The following UQCRC2 variants were observed in gnomAD, a reference collection of about 807,000 sequenced individuals.
UQCRC2 encodes the protein cytochrome b-c1 complex subunit 2, mitochondrial.
A neutral mutation model predicts 55.6 loss-of-function variants in UQCRC2; 49 were observed. That is an observed-to-expected ratio of 0.88 (90% CI 0.70 to 1.12). The LOEUF is 1.12. Ranked by LOEUF, UQCRC2 falls within the 50% of genes most tolerant of loss-of-function variation. The pLI is 0.00. For synonymous variants in UQCRC2, 193 were observed against 192.0 expected, an observed-to-expected ratio of 1.01 and a Z score of -0.04; for missense variants, 506 against 547.8, an observed-to-expected ratio of 0.92 and a Z score of 0.76.
chr16:21,962,693 C>G (rs1898232569), intron 5 of UQCRC2, 68 bp from the exon 6 acceptor site: 6 of 1,607,398 alleles, frequency 3.7e-6, no homozygotes, highest in Admixed American at 1.7e-5. Flanking sequence ...AGCATTACAG[C>G]TATGTAGAAT....
Position 21,971,543 on chromosome 16 carries a change from T to G in UQCRC2, c.689T>G (p.Leu230Arg). 1 of 1,614,148 alleles carries G rather than the reference T, an allele frequency of 6.2e-7. No individual in the cohort carries two copies. Among genetic ancestry groups the G allele is most frequent in the Non-Finnish European group, 8.5e-7 (1 of 1,179,984 alleles). The change falls in exon 9 of 14, where the codon CTA (leucine) becomes CGA (arginine). Residue 230 changes from leucine (L) to arginine (R), a missense_variant. By Grantham distance (102) the Leu-to-Arg change is moderately radical. Transcript: ENST00000268379. Reference sequence around the variant, plus strand: ...GAAACAGGTGTGAGTCATCCTGTTCTAAAGCAAGTTGCTGAACAGTTTCTC... The same window carrying G: ...GAAACAGGTGTGAGTCATCCTGTTCGAAAGCAAGTTGCTGAACAGTTTCTC... ...LIGLGVSHPV[L>R]KQVAEQFLNM...
intron 12 of UQCRC2, 174 bp from the exon 13 acceptor site, chr16:21,980,373 A>T: frequency 1.4e-6 from 1 of 693,780 alleles, no homozygotes; most frequent in Non-Finnish European, 2.3e-6. Flanking sequence ...TTACTGTTTT[A>T]GTATGTTCCA....
At chr16:21,980,029 A>G (rs549172710) in intron 12 of UQCRC2, among the ~76,000 whole-genome samples, 1 of 152,332 alleles carries the variant, frequency 6.6e-6, no homozygotes, top group East Asian at 1.9e-4. Context: ...CTGAGCACAT[A>G]TGAGATAACC....
chr16:21,977,840 T>A (rs1898622709), intron 12 of UQCRC2, among the ~76,000 whole-genome samples: 2 of 152,202 alleles, frequency 1.3e-5, no homozygotes, highest in Admixed American at 1.3e-4. Flanking sequence ...TATTGTTAGT[T>A]TTGTTATGCT....
At chr16:21,964,156 T>C (rs1898269933) in intron 6 of UQCRC2, among the ~76,000 whole-genome samples, 1 of 152,194 alleles carries the variant, frequency 6.6e-6, no homozygotes, top group Admixed American at 6.5e-5. Flanking sequence ...TTCATGATGA[T>C]GCTTGGTGTC....
intron 4 of UQCRC2, 56 bp downstream of exon 4, chr16:21,958,655 A>G (rs938066752): frequency 6.7e-7 from 1 of 1,496,828 alleles, no homozygotes; most frequent in Non-Finnish European, 9.2e-7. Flanking sequence ...TTCAATTTTA[A>G]GGGAACTTTT....
In UQCRC2 at chr16:21,957,251, A is replaced by G; in HGVS notation, c.50A>G (p.Lys17Arg). 1.9e-6 allele frequency: 3 copies of G among 1,613,762 alleles called. No homozygotes were observed. In the South Asian group the frequency reaches 3.3e-5, roughly 18 times the overall value. Residue 17 changes from lysine (K) to arginine (R), a missense_variant, in exon 2 of 14, where the codon AAA becomes AGA. Transcript: ENST00000268379. Reference protein sequence around the residue: ...AGSFSRFYSLKVAPKVKATAA... With the variant: ...AGSFSRFYSLRVAPKVKATAA... The stretch of plus-strand genomic sequence containing the variant: ...TATGTTTAGAGATTTTATTCCCTCA[A>G]AGTTGCCCCCAAAGTTAAAGCCACA...
chr16:21,983,028 C>T, intron 13 of UQCRC2, 60 bp from the exon 14 acceptor site: 1 of 1,481,368 alleles, frequency 6.8e-7, no homozygotes, highest in Middle Eastern at 1.8e-4. Flanking sequence ...ATAAGTTCGC[C>T]TGCTTGATGA....
Position 21,971,984 on chromosome 16 carries a change from T to G in UQCRC2, c.828T>G (p.Ala276=). 6.2e-7 allele frequency: 1 copy of G among 1,614,202 alleles called. No individual in the cohort carries two copies. Among genetic ancestry groups the G allele is most frequent in the Non-Finnish European group, 8.5e-7 (1 of 1,180,032 alleles). The change falls in exon 10 of 14, where the codon GCT becomes GCG. Residue 276 remains alanine, a synonymous_variant. Transcript: ENST00000268379. ...ATGCTGCTTTTGTAGCAGAAAGTGC[T>G]GTCGCGGGAAGTGCAGAGGCAAATG... The part of the protein sequence containing the change: ...LVHAAFVAES[A]VAGSAEANAF...
rs1308081968 is a variant in UQCRC2 at position 21,980,709 on chromosome 16, A to G, written c.1278+9A>G. On this transcript the variant is annotated intron_variant, in intron 13 of 13. Coordinates refer to ENST00000268379, the MANE Select transcript of UQCRC2 (RefSeq NM_003366.4). ...ATGCTGATATCATAAATGTAAGTAA[A>G]TGAAAACTTAACGATTTAACAACAG... 1.2e-6 allele frequency: 2 copies of G among 1,611,584 alleles called. No individual in the cohort carries two copies. Among genetic ancestry groups the G allele is most frequent in the South Asian group, 1.1e-5 (1 of 90,390 alleles).
intron 1 of UQCRC2, among the ~76,000 whole-genome samples, chr16:21,953,747 T>A (rs72784903): frequency 6.6e-6 from 1 of 152,210 alleles, no homozygotes; most frequent in Non-Finnish European, 1.5e-5. Context: ...ACTCAAGTGC[T>A]GGAGAAAGAG....
chr16:21,971,577 G>A lies in UQCRC2; in HGVS notation c.723G>A (p.Arg241=). The A allele has an allele frequency of 6.2e-7, 1 of 1,614,160 alleles. No homozygotes were observed. The highest frequency in any genetic ancestry group is 1.3e-5 in the African/African-American group (1 of 75,050). Residue 241 remains arginine, a synonymous_variant, in exon 9 of 14, where the codon AGG becomes AGA. Transcript: ENST00000268379. ...TTGCTGAACAGTTTCTCAACATGAG[G>A]GGTGGGCTTGGTTTATCTGGTGCAA... The part of the protein sequence containing the change: ...KQVAEQFLNM[R]GGLGLSGAKA...
chr16:21,970,957 G>C (rs891004613), intron 8 of UQCRC2, among the ~76,000 whole-genome samples: 1 of 151,880 alleles, frequency 6.6e-6, no homozygotes, highest in Non-Finnish European at 1.5e-5. Flanking sequence ...GAGTTGTAAA[G>C]GTTCTTTATA....
intron 12 of UQCRC2, chr16:21,976,459 A>T: frequency 2.4e-6 from 1 of 423,440 alleles, no homozygotes; most frequent in Non-Finnish European, 4.3e-6. Context: ...TGGGAGGCCA[A>T]GGCAGGTGGT....
chr16:21,957,164 A>C (rs1026189102), intron 1 of UQCRC2, 71 bp from the exon 2 acceptor site: 1 of 1,500,852 alleles, frequency 6.7e-7, no homozygotes, highest in African/African-American at 1.4e-5. Context: ...TGGGTACCCT[A>C]AGATACCATG....
intron 7 of UQCRC2, among the ~76,000 whole-genome samples, chr16:21,968,000 C>CTTT (rs544335331): frequency 2.9e-5 from 4 of 137,106 alleles, no homozygotes; most frequent in African/African-American, 5.3e-5. Context: ...CTTTTTATTC[C>CTTT]TTTTTTTTTT....
rs912595928 is a variant in UQCRC2 at position 21,971,819 on chromosome 16, G to T, written c.767-104G>T. On this transcript the variant is annotated intron_variant, in intron 9 of 13. Transcript: ENST00000268379. ...GGCATGGGGAAAGCACCGAGCTGCA[G>T]AAAAGACTCGTGGGTTAATACTGTG... The T allele has an allele frequency of 2.0e-6, 3 of 1,530,532 alleles. No individual in the cohort carries two copies. In the African/African-American group the frequency reaches 4.1e-5, roughly 21 times the overall value. 94.8% of individuals were successfully genotyped at this position (1,530,532 alleles called of 1,614,324 possible).
chr16:21,980,537 T>C lies in UQCRC2; in HGVS notation c.1125-10T>C. The C allele has an allele frequency of 6.2e-7, 1 of 1,609,470 alleles. No homozygotes were observed. Among genetic ancestry groups the C allele is most frequent in the Non-Finnish European group, 8.5e-7 (1 of 1,178,606 alleles). On this transcript the variant is annotated splice_polypyrimidine_tract_variant and intron_variant, in intron 12 of 13. Coordinates refer to ENST00000268379, the MANE Select transcript of UQCRC2 (RefSeq NM_003366.4). The stretch of plus-strand genomic sequence containing the variant: ...CTCTCTAAAACTGACTTCTGCCTTT[T>C]ATTGGACAGGAACAAGCTGAAAGCT...
intron 1 of UQCRC2, among the ~76,000 whole-genome samples, chr16:21,955,479 C>T (rs1898072959): frequency 6.6e-6 from 1 of 152,336 alleles, no homozygotes; most frequent in East Asian, 1.9e-4. Context: ...ATTTTATTCA[C>T]TCATCATCTC....
Sources: gnomAD v4.1 joint callset for allele counts (sites outside exome capture counted in the v4.1 genomes callset) on GRCh38, gnomAD v4.1.1 for gene constraint, MANE v1.5 for transcripts, NCBI Gene and HGNC (gene_info 2026-07-23, HGNC 2026-07-21) for gene names.